Variants in PALS2 observed in about 807,000 individuals in gnomAD.
PALS2 encodes the protein protein PALS2.
PALS2 carries 27 observed loss-of-function variants against 61.6 expected under a neutral mutation model. The observed-to-expected ratio is 0.44, with a 90% CI of 0.32 to 0.60. The LOEUF (loss-of-function observed/expected upper bound fraction) is 0.60. PALS2 is among the 20% of genes least tolerant of loss of function. The pLI, the probability that PALS2 is intolerant of heterozygous loss-of-function variation, is 0.05. For synonymous variants in PALS2, 236 were observed against 218.6 expected, an observed-to-expected ratio of 1.08 and a Z score of -0.70; for missense variants, 554 against 639.4, an observed-to-expected ratio of 0.87 and a Z score of 1.44.
intron 11 of PALS2, among the ~76,000 whole-genome samples, chr7:24,686,276 G>A (rs1305789172): frequency 6.6e-6 from 1 of 151,944 alleles, no homozygotes; most frequent in African/African-American, 2.4e-5. Context: ...CCTTCTCTCT[G>A]ACCTGGATTC....
chr7:24,645,702 T>A (rs989954231), intron 3 of PALS2, among the ~76,000 whole-genome samples: 1 of 152,214 alleles, frequency 6.6e-6, no homozygotes, highest in Non-Finnish European at 1.5e-5. Context: ...GTAAATTGCT[T>A]TGGGCAGTGT....
At chr7:24,636,911 A>G (rs973890417) in intron 2 of PALS2, among the ~76,000 whole-genome samples, 7 of 152,150 alleles carry the variant, frequency 4.6e-5, no homozygotes, top group Non-Finnish European at 1.0e-4. Context: ...ACGTTCATTA[A>G]GTTAATTTTA....
intron 5 of PALS2, among the ~76,000 whole-genome samples, chr7:24,654,359 T>A (rs576515646): frequency 2.6e-5 from 4 of 152,204 alleles, no homozygotes; most frequent in Admixed American, 2.0e-4. Flanking sequence ...TTTACAAATA[T>A]GATCATGTTT....
intron 1 of PALS2, among the ~76,000 whole-genome samples, chr7:24,622,090 A>G (rs1183951294): frequency 1.3e-5 from 2 of 152,054 alleles, no homozygotes; most frequent in African/African-American, 4.8e-5. Flanking sequence ...AAGTTTTGAA[A>G]TTGAGAAGTG....
At chr7:24,616,439 A>G (rs1231967635) in intron 1 of PALS2, among the ~76,000 whole-genome samples, 2 of 152,180 alleles carry the variant, frequency 1.3e-5, no homozygotes, top group East Asian at 1.9e-4. Context: ...TATATTTACA[A>G]TAACTGAAAA....
rs535374924 is a variant in PALS2 at position 24,645,384 on chromosome 7, C to T, written c.270+3516C>T. On this transcript the variant is annotated intron_variant, in intron 3 of 11. Coordinates refer to ENST00000222644, the MANE Select transcript of PALS2 (RefSeq NM_001303037.2). Reference sequence around the variant, plus strand: ...TTTATTGAATAGGGAGTCTTTTCCCCGTTGTTTGTTTTTGTCAGCTTTGTC... The same window carrying T: ...TTTATTGAATAGGGAGTCTTTTCCCTGTTGTTTGTTTTTGTCAGCTTTGTC... 8.5e-5 allele frequency among the ~76,000 whole-genome samples: 13 copies of T among 152,210 alleles called. No individual in the cohort carries two copies. The East Asian group carries it at 1.2e-3, about 14-fold the overall frequency.
intron 5 of PALS2, among the ~76,000 whole-genome samples, chr7:24,658,202 C>A (rs967875457): frequency 3.3e-5 from 5 of 152,086 alleles, no homozygotes; most frequent in Non-Finnish European, 7.4e-5. Context: ...GTCTAATCTG[C>A]TATTAATCAC....
chr7:24,614,128 G>A (rs544440791), intron 1 of PALS2, among the ~76,000 whole-genome samples: 2 of 151,896 alleles, frequency 1.3e-5, no homozygotes, highest in African/African-American at 4.8e-5. Context: ...GCTGGATGAT[G>A]TGGTAGTTCT....
chr7:24,600,584 C>G (rs1783684526), intron 1 of PALS2, among the ~76,000 whole-genome samples: 1 of 152,072 alleles, frequency 6.6e-6, no homozygotes, highest in African/African-American at 2.4e-5. Flanking sequence ...TTTATGGTGA[C>G]ACTAGATAAA....
intron 1 of PALS2, chr7:24,589,235 A>C (rs114079232): frequency 6.6e-6 from 1 of 152,166 alleles, no homozygotes; most frequent in Non-Finnish European, 1.5e-5. Context: ...CTCCCATCAC[A>C]TCCAAAACCA....
rs1343867727 is a variant in PALS2 at position 24,673,592 on chromosome 7, A to AT, written c.1114+4940dup. Among the ~76,000 whole-genome samples, 4 of 151,940 alleles carry AT rather than the reference A, an allele frequency of 2.6e-5. No homozygotes were observed. In the East Asian group the frequency reaches 7.7e-4, roughly 29 times the overall value. ...CTTTCCTTGTTATAGGTCAACTTGGATTTTTTTTAAAATCAGTTTCAGGAT... is the reference window on the plus strand; with the variant it reads ...CTTTCCTTGTTATAGGTCAACTTGGATTTTTTTTTAAAATCAGTTTCAGGAT... On this transcript the variant is annotated intron_variant, in intron 9 of 11. Coordinates refer to ENST00000222644, the MANE Select transcript of PALS2 (RefSeq NM_001303037.2).
chr7:24,658,505 C>A (rs1256601229), intron 5 of PALS2, among the ~76,000 whole-genome samples: 1 of 151,778 alleles, frequency 6.6e-6, no homozygotes, highest in Non-Finnish European at 1.5e-5. Flanking sequence ...AAAAATTTTA[C>A]CTTGTTGGGT....
Position 24,687,351 on chromosome 7 carries a change from C to T in PALS2, c.1447-87C>T. On this transcript the variant is annotated intron_variant, in intron 11 of 11. Transcript: ENST00000222644. The surrounding 1 kb of genome is among the most constrained non-coding windows in gnomAD (Gnocchi z 4.5). ...CAGAATTACCAGAAATATATCTAAC[C>T]TATTTATTATATTCACTTCTAGTTG... is the stretch of plus-strand genomic sequence containing the variant. 1 of 991,014 alleles carries T rather than the reference C, an allele frequency of 1.0e-6. No homozygotes were observed. Among genetic ancestry groups the T allele is most frequent in the Non-Finnish European group, 1.5e-6 (1 of 658,388 alleles). The allele number at this position is 991,014 out of a possible 1,614,324, so 61.4% of individuals were successfully genotyped here.
chr7:24,612,476 A>G (rs1037824231), intron 1 of PALS2, among the ~76,000 whole-genome samples: 8 of 151,820 alleles, frequency 5.3e-5, no homozygotes, highest in Non-Finnish European at 1.2e-4. Context: ...GATTTCTATT[A>G]GGATTTATTC....
chr7:24,593,921 C>T (rs1481991142), intron 1 of PALS2, among the ~76,000 whole-genome samples: 1 of 152,078 alleles, frequency 6.6e-6, no homozygotes, highest in Non-Finnish European at 1.5e-5. Context: ...TCAGACTGTC[C>T]TTTCAAGGTT....
At chr7:24,613,534 G>A (rs1217581600) in intron 1 of PALS2, among the ~76,000 whole-genome samples, 1 of 151,670 alleles carries the variant, frequency 6.6e-6, no homozygotes, top group Non-Finnish European at 1.5e-5. Flanking sequence ...AATGTTTAGT[G>A]ATCAGATCAG....
chr7:24,627,079 G>A (rs761913144), intron 2 of PALS2, among the ~76,000 whole-genome samples: 6 of 152,034 alleles, frequency 3.9e-5, no homozygotes, highest in Non-Finnish European at 1.5e-5. Context: ...TCCTCTCAGC[G>A]CCACATAGCA....
intron 2 of PALS2, among the ~76,000 whole-genome samples, chr7:24,641,066 T>C (rs1403276768): frequency 2.0e-5 from 3 of 149,068 alleles, no homozygotes; most frequent in Admixed American, 2.0e-4. Context: ...TGGTTGACGG[T>C]CTATTTTCTG....
chr7:24,631,180 G>A (rs1167336551), intron 2 of PALS2, among the ~76,000 whole-genome samples: 2 of 152,338 alleles, frequency 1.3e-5, no homozygotes, highest in East Asian at 3.9e-4. Flanking sequence ...ATGCATGGGA[G>A]AAGGTCAGAA....
Sources: allele counts gnomAD v4.1 joint callset (sites outside exome capture counted in the v4.1 genomes callset), GRCh38; gene constraint gnomAD v4.1.1; non-coding constraint Gnocchi (gnomAD v3.1); transcripts MANE v1.5; gene names NCBI Gene and HGNC (gene_info 2026-07-23, HGNC 2026-07-21).